The following RBPMS2 variants were observed in gnomAD, a reference collection of about 807,000 sequenced individuals.
The protein encoded by RBPMS2 is RNA-binding protein with multiple splicing 2.
RBPMS2 carries 14 observed loss-of-function variants against 25.7 expected under a neutral mutation model. That is an observed-to-expected ratio of 0.55 (90% CI 0.36 to 0.85). RBPMS2 has a LOEUF of 0.85. RBPMS2 is among the 40% of genes least tolerant of loss of function. RBPMS2 has a pLI of 0.01. For synonymous variants in RBPMS2, 127 were observed against 115.6 expected (o/e 1.10, Z -0.63); for missense variants, 252 against 283.4 (o/e 0.89, Z 0.80).
intron 1 of RBPMS2, among the ~76,000 whole-genome samples, chr15:64,764,076 C>T (rs1396279135): frequency 6.6e-6 from 1 of 152,176 alleles, no homozygotes; most frequent in Non-Finnish European, 1.5e-5. Context: ...CTGGCTGAAG[C>T]GTGCCTTCCA....
chr15:64,751,666 C>T (rs778088174), intron 1 of RBPMS2, 28 bp from the exon 2 acceptor site: 1 of 1,598,326 alleles, frequency 6.3e-7, no homozygotes, highest in South Asian at 1.1e-5. Context: ...TGATCAGGGC[C>T]AGGCTGCCCA....
intron 1 of RBPMS2, among the ~76,000 whole-genome samples, chr15:64,755,226 C>T (rs1595789366): frequency 6.6e-6 from 1 of 152,212 alleles, no homozygotes; most frequent in Middle Eastern, 3.4e-3. Flanking sequence ...CCCTTTTCCT[C>T]AGGGTTCCAT....
Position 64,775,515 on chromosome 15 carries a change from A to T in RBPMS2, c.-196T>A. Reference sequence around the variant, plus strand: ...AGTTTGGCGGGTGCGGAAGGTGGGGAGGGGGTGCGGCGGGGGAGGCAGTGG... The same window carrying T: ...AGTTTGGCGGGTGCGGAAGGTGGGGTGGGGGTGCGGCGGGGGAGGCAGTGG... On this transcript the variant is annotated 5_prime_UTR_variant, in exon 1 of 8. Transcript: ENST00000300069. The T allele has an allele frequency of 3.7e-4, 16 of 43,122 alleles. No individual in the cohort carries two copies. Among genetic ancestry groups the T allele is most frequent in the Middle Eastern group, 8.1e-3 (1 of 124 alleles). The allele number at this position is 43,122 out of a possible 1,614,324, so 2.7% of individuals were successfully genotyped here.
chr15:64,750,537 G>A (rs994097010), intron 2 of RBPMS2, among the ~76,000 whole-genome samples, 156 bp from the exon 3 acceptor site: 7 of 152,130 alleles, frequency 4.6e-5, no homozygotes, highest in Admixed American at 3.3e-4. Context: ...ACTGCCAAAC[G>A]TCCACCGCCC....
At chr15:64,747,531 G>A (rs1020576378) in intron 6 of RBPMS2, among the ~76,000 whole-genome samples, 1 of 152,134 alleles carries the variant, frequency 6.6e-6, no homozygotes, top group African/African-American at 2.4e-5. Flanking sequence ...AAAGGTTGAG[G>A]TGGGCTCAAA....
intron 1 of RBPMS2, among the ~76,000 whole-genome samples, chr15:64,773,483 A>G (rs1280199546): frequency 6.6e-6 from 1 of 152,232 alleles, no homozygotes; most frequent in Admixed American, 6.5e-5. Context: ...TCAACTCCCA[A>G]GGAGGAATAG....
chr15:64,775,096 G>A (rs1005662239), intron 1 of RBPMS2, 137 bp downstream of exon 1: 2 of 375,800 alleles, frequency 5.3e-6, no homozygotes, highest in Admixed American at 5.0e-5. Flanking sequence ...CTCCTACCCG[G>A]GCGAGAGGGC....
intron 1 of RBPMS2, among the ~76,000 whole-genome samples, chr15:64,766,015 C>G (rs2083843300): frequency 6.6e-6 from 1 of 152,038 alleles, no homozygotes; most frequent in Non-Finnish European, 1.5e-5. Context: ...GGTCTCAGCT[C>G]CTATGCCAGT....
chr15:64,741,031 A>G, intron 7 of RBPMS2, 31 bp from the exon 8 acceptor site: 2 of 608,376 alleles, frequency 3.3e-6, no homozygotes, highest in East Asian at 2.9e-5. Flanking sequence ...GGCCGTGAGC[A>G]GAGGCGTGGG....
rs200301464 is a variant in RBPMS2 at position 64,772,360 on chromosome 15, A to G, written c.87+2873T>C. ...TCGTCCCCAGCTCCAGTCAAGACTT[A>G]CCTGCAGGACAGCACAACCTCTAGA... On this transcript the variant is annotated intron_variant, in intron 1 of 7. Transcript: ENST00000300069. 5.9e-5 allele frequency among the ~76,000 whole-genome samples: 9 copies of G among 152,294 alleles called. No homozygotes were observed. In the East Asian group the frequency reaches 1.7e-3, roughly 29 times the overall value.
intron 1 of RBPMS2, among the ~76,000 whole-genome samples, chr15:64,762,851 C>T (rs2083802984): frequency 6.6e-6 from 1 of 152,158 alleles, no homozygotes; most frequent in Admixed American, 6.5e-5. Flanking sequence ...TCAGTGACTC[C>T]TTCTGCACAC....
In RBPMS2 at chr15:64,775,437, G is replaced by GA. The variant is rs2083924485; in HGVS notation, c.-119dup. The GA allele has an allele frequency of 6.8e-6, 2 of 294,868 alleles. No homozygotes were observed. Among genetic ancestry groups the GA allele is most frequent in the Non-Finnish European group, 5.6e-6 (1 of 177,834 alleles). 18.3% of individuals were successfully genotyped at this position (294,868 alleles called of 1,614,324 possible). The stretch of plus-strand genomic sequence containing the variant: ...CGCGGGTGCGGAGCGGGTGGCGGGG[G>GA]ACCCACGGGGCAGTGAGAGGGGCAG... On this transcript the variant is annotated 5_prime_UTR_variant, in exon 1 of 8. Transcript: ENST00000300069.
At chr15:64,766,584 G>C (rs2083848472) in intron 1 of RBPMS2, among the ~76,000 whole-genome samples, 1 of 151,032 alleles carries the variant, frequency 6.6e-6, no homozygotes, top group Non-Finnish European at 1.5e-5. Context: ...TGGACTGCAT[G>C]ACGCAATCTC....
At chr15:64,774,895 C>A (rs1421899032) in intron 1 of RBPMS2, among the ~76,000 whole-genome samples, 1 of 151,432 alleles carries the variant, frequency 6.6e-6, no homozygotes, top group Non-Finnish European at 1.5e-5. Context: ...GGGCGGCGAG[C>A]GGCTACGGGG....
intron 1 of RBPMS2, among the ~76,000 whole-genome samples, chr15:64,755,339 G>A (rs754724333): frequency 1.2e-4 from 18 of 152,120 alleles, no homozygotes; most frequent in Non-Finnish European, 2.5e-4. Context: ...TGGTGGGCCC[G>A]TCTGCCTGAG....
intron 1 of RBPMS2, among the ~76,000 whole-genome samples, chr15:64,770,227 C>T (rs912384599): frequency 2.0e-5 from 3 of 152,104 alleles, no homozygotes; most frequent in Admixed American, 1.3e-4. Context: ...CTCCCCCTGC[C>T]TTCCAGTCTC....
At chr15:64,748,912 C>T in intron 5 of RBPMS2, 88 bp downstream of exon 5, 6 of 1,476,796 alleles carry the variant, frequency 4.1e-6, no homozygotes, top group Non-Finnish European at 5.5e-6. Context: ...AAAAAGCCTC[C>T]TGGAAAAGGG....
At chr15:64,762,273 A>G (rs2083796026) in intron 1 of RBPMS2, 2 of 455,158 alleles carry the variant, frequency 4.4e-6, no homozygotes, top group Non-Finnish European at 8.8e-6. Flanking sequence ...TTACAGGCCA[A>G]CGACGAGACT....
rs1595782150 is a variant in RBPMS2 at position 64,740,534 on chromosome 15, GGA to G, written c.*472_*473del. ...CGGGGTGGGTGCAGGGGCGGGGCGA[GGA>G]GAGAGGGGCAGGCAGGATGAACCAC... On this transcript the variant is annotated 3_prime_UTR_variant, in exon 8 of 8. Coordinates refer to ENST00000300069, the MANE Select transcript of RBPMS2 (RefSeq NM_194272.3). 1.3e-5 allele frequency: 2 copies of G among 148,390 alleles called. No homozygotes were observed. The highest frequency in any genetic ancestry group is 1.3e-4 in the Admixed American group (2 of 15,094). 9.2% of individuals were successfully genotyped at this position (148,390 alleles called of 1,614,324 possible). A position where few individuals can be genotyped will look rare whatever the true frequency, so the allele number is the denominator to read the frequency against.
Sources: allele counts gnomAD v4.1 joint callset (sites outside exome capture counted in the v4.1 genomes callset), GRCh38; gene constraint gnomAD v4.1.1; transcripts MANE v1.5; gene names NCBI Gene and HGNC (gene_info 2026-07-23, HGNC 2026-07-21).